The following TAF3 variants were observed in gnomAD, a reference collection of about 807,000 sequenced individuals.
TAF3 encodes the protein TATA-box binding protein associated factor 3.
In TAF3, 7 loss-of-function variants were observed where a neutral mutation model predicts 80.6. That is an observed-to-expected ratio of 0.09 (90% CI 0.05 to 0.16). The LOEUF (loss-of-function observed/expected upper bound fraction) is 0.16, where lower values mean the gene tolerates loss of function less well. Among genes scored for constraint, TAF3 ranks in the 10% least tolerant of loss-of-function variants. The pLI is 1.00. For synonymous variants in TAF3, 444 were observed against 446.1 expected, an observed-to-expected ratio of 1.00 and a Z score of 0.06; for missense variants, 921 against 1,140.2, an observed-to-expected ratio of 0.81 and a Z score of 2.77.
At chr10:7,874,458 G>A (rs1010040792) in intron 2 of TAF3, among the ~76,000 whole-genome samples, 2 of 152,074 alleles carry the variant, frequency 1.3e-5, no homozygotes, top group African/African-American at 4.8e-5. Context: ...GTGGGGAATA[G>A]TGTGGAAAAA....
intron 2 of TAF3, among the ~76,000 whole-genome samples, chr10:7,924,125 G>C (rs924254280): frequency 6.6e-6 from 1 of 152,148 alleles, no homozygotes; most frequent in African/African-American, 2.4e-5. Context: ...ACACGATTAC[G>C]TTTGAATACA....
At chr10:7,897,183 C>G (rs1045052137) in intron 2 of TAF3, among the ~76,000 whole-genome samples, 1 of 152,186 alleles carries the variant, frequency 6.6e-6, no homozygotes, top group Non-Finnish European at 1.5e-5. Context: ...GCATCATCAT[C>G]CTGGGAGCAC....
At chr10:7,948,843 T>C (rs1019074369) in intron 2 of TAF3, among the ~76,000 whole-genome samples, 3 of 152,250 alleles carry the variant, frequency 2.0e-5, no homozygotes, top group African/African-American at 7.2e-5. Context: ...TCTTGCTTCC[T>C]AACAGTCATT....
chr10:7,865,962 G>A (rs1837210778), intron 2 of TAF3, among the ~76,000 whole-genome samples: 1 of 152,198 alleles, frequency 6.6e-6, no homozygotes, highest in African/African-American at 2.4e-5. Context: ...ACTGGAGCAT[G>A]TGGTGCACCA....
At chr10:7,886,940 G>C (rs967207039) in intron 2 of TAF3, among the ~76,000 whole-genome samples, 3 of 151,956 alleles carry the variant, frequency 2.0e-5, no homozygotes, top group Non-Finnish European at 4.4e-5. Flanking sequence ...TAAGTGATAA[G>C]AGCTAGTTAA....
chr10:7,868,953 T>G (rs922966379), intron 2 of TAF3, among the ~76,000 whole-genome samples: 3 of 152,138 alleles, frequency 2.0e-5, no homozygotes, highest in Admixed American at 6.5e-5. Flanking sequence ...ACTCCAGAAT[T>G]TATGCTTTTA....
intron 2 of TAF3, among the ~76,000 whole-genome samples, chr10:7,883,911 G>A (rs1398280532): frequency 2.0e-5 from 3 of 152,140 alleles, no homozygotes; most frequent in African/African-American, 7.2e-5. Context: ...GGCGGGGAGA[G>A]GGGACTCTCA....
At chr10:7,924,788 TTTAAAC>T (rs1406558525) in intron 2 of TAF3, among the ~76,000 whole-genome samples, 1 of 152,068 alleles carries the variant, frequency 6.6e-6, no homozygotes, top group African/African-American at 2.4e-5. Flanking sequence ...GGACATGAAT[TTTAAAC>T]TTAAAGAAAA....
intron 2 of TAF3, among the ~76,000 whole-genome samples, chr10:7,836,397 C>A (rs1453913332): frequency 6.6e-6 from 1 of 151,948 alleles, no homozygotes; most frequent in African/African-American, 2.4e-5. Context: ...GTCTCAGCCT[C>A]CCGAGTACCT....
Position 8,009,104 on chromosome 10 carries a change from C to G in TAF3, c.2342C>G (p.Pro781Arg), listed in dbSNP as rs777034477. The change falls in exon 5 of 7, where the codon CCC becomes CGC. Residue 781 changes from proline to arginine, a missense_variant. Pro to Arg is a moderately radical substitution (Grantham distance 103, BLOSUM62 -2). Coordinates refer to ENST00000344293, the MANE Select transcript of TAF3 (RefSeq NM_031923.4). This position sits in a 1 kb window ranked among gnomAD's most constrained non-coding sequence, Gnocchi z 4.1. Reference protein sequence around the residue: ...KIVISKVVPAPEAKPAPSQNR... With the variant: ...KIVISKVVPAREAKPAPSQNR... The stretch of plus-strand genomic sequence containing the variant: ...GTCATCAGCAAGGTGGTCCCTGCCC[C>G]CGAGGCCAAGCCGGCGCCCTCGCAG... 1.2e-6 allele frequency: 2 copies of G among 1,602,046 alleles called. No homozygotes were observed. The highest frequency in any genetic ancestry group is 4.5e-5 in the East Asian group (2 of 44,350).
In TAF3 at chr10:7,968,149, T is replaced by C. The variant is rs540404651; in HGVS notation, c.2232+2407T>C. Among the ~76,000 whole-genome samples, 4 of 152,196 alleles carry C rather than the reference T, an allele frequency of 2.6e-5. No homozygotes were observed. The South Asian group carries it at 8.3e-4, about 32-fold the overall frequency. Reference sequence around the variant, plus strand: ...AAAGGTTAAACTAAAGTGAGACATATCTGCTCACTTTATGTGAGCAGCTTT... The same window carrying C: ...AAAGGTTAAACTAAAGTGAGACATACCTGCTCACTTTATGTGAGCAGCTTT... On this transcript the variant is annotated intron_variant, in intron 3 of 6. Coordinates refer to ENST00000344293, the MANE Select transcript of TAF3 (RefSeq NM_031923.4).
intron 2 of TAF3, among the ~76,000 whole-genome samples, chr10:7,856,346 CGTGT>C (rs1272482379): frequency 5.9e-5 from 9 of 151,928 alleles, no homozygotes; most frequent in African/African-American, 1.9e-4. Context: ...AGTGGTGGTG[CGTGT>C]GTACCTGTAA....
intron 2 of TAF3, among the ~76,000 whole-genome samples, chr10:7,901,510 A>T (rs1335811502): frequency 6.6e-6 from 1 of 152,202 alleles, no homozygotes; most frequent in Non-Finnish European, 1.5e-5. Flanking sequence ...TTTCCTTTGA[A>T]ATTGGGCTTG....
At position 7,821,196 on chromosome 10, in the gene TAF3, T is replaced by A. The variant is rs1015930059; in HGVS notation, c.166+2321T>A. ...TTTCAGTGAGAATGAGATTGTCAGGTTCATTATTCCCACGTAATTTGGTGA... is the reference window on the plus strand; with the variant it reads ...TTTCAGTGAGAATGAGATTGTCAGGATCATTATTCCCACGTAATTTGGTGA... On this transcript the variant is annotated intron_variant, in intron 1 of 6. Coordinates refer to ENST00000344293, the MANE Select transcript of TAF3 (RefSeq NM_031923.4). Among the ~76,000 whole-genome samples, 3 of 142,670 alleles carry A rather than the reference T, an allele frequency of 2.1e-5. No homozygotes were observed. In the East Asian group the frequency reaches 6.3e-4, roughly 30 times the overall value. 93.6% of individuals were successfully genotyped at this position (142,670 alleles called of 152,430 possible).
At chr10:7,955,169 A>T (rs1048008209) in intron 2 of TAF3, among the ~76,000 whole-genome samples, 1 of 152,246 alleles carries the variant, frequency 6.6e-6, no homozygotes, top group African/African-American at 2.4e-5. Context: ...TGAAAAAAGT[A>T]TGCTTTTTTG....
rs1310040434 is a variant in TAF3 at position 7,968,953 on chromosome 10, A to G, written c.2232+3211A>G. On this transcript the variant is annotated intron_variant, in intron 3 of 6. Coordinates refer to ENST00000344293, the MANE Select transcript of TAF3 (RefSeq NM_031923.4). Reference sequence around the variant, plus strand: ...CCCCTTCGTGGGCAGTCAGACACCTAGTCAGGGTTGGGACTCTAGACTGTC... The same window carrying G: ...CCCCTTCGTGGGCAGTCAGACACCTGGTCAGGGTTGGGACTCTAGACTGTC... Among the ~76,000 whole-genome samples the G allele has an allele frequency of 3.3e-5, 5 of 152,220 alleles. No individual in the cohort carries two copies. The South Asian group carries it at 8.3e-4, about 25-fold the overall frequency.
intron 2 of TAF3, among the ~76,000 whole-genome samples, chr10:7,858,319 G>A (rs1170678831): frequency 6.6e-6 from 1 of 152,096 alleles, no homozygotes. Flanking sequence ...CAGTAATATT[G>A]TATCATTTGG....
intron 2 of TAF3, among the ~76,000 whole-genome samples, chr10:7,938,257 G>A (rs931669768): frequency 1.3e-5 from 2 of 152,152 alleles, no homozygotes; most frequent in African/African-American, 4.8e-5. Context: ...GCTAGGGATG[G>A]GGAGGTGTGT....
chr10:7,986,316 G>T (rs940696970), intron 4 of TAF3, among the ~76,000 whole-genome samples: 2 of 152,126 alleles, frequency 1.3e-5, no homozygotes, highest in African/African-American at 4.8e-5. Context: ...TTCTGCCTGG[G>T]TGAACCAGCA....
Sources: allele counts gnomAD v4.1 joint callset (sites outside exome capture counted in the v4.1 genomes callset), GRCh38; gene constraint gnomAD v4.1.1; non-coding constraint Gnocchi (gnomAD v3.1); transcripts MANE v1.5; gene names NCBI Gene and HGNC (gene_info 2026-07-23, HGNC 2026-07-21).